MAP3K20: variants seen among roughly 807,000 people sequenced by gnomAD.
MAP3K20 encodes mitogen-activated protein kinase kinase kinase 20.
Under a neutral mutation model 85.7 loss-of-function variants are expected in MAP3K20, and 40 were observed. That is an observed-to-expected ratio of 0.47 (90% CI 0.36 to 0.61). The LOEUF is 0.61. Among genes scored for constraint, MAP3K20 ranks in the 20% least tolerant of loss-of-function variants. The pLI is 0.00. For synonymous variants in MAP3K20, 325 were observed against 327.7 expected, an observed-to-expected ratio of 0.99 and a Z score of 0.09; for missense variants, 817 against 961.7, an observed-to-expected ratio of 0.85 and a Z score of 1.99.
intron 11 of MAP3K20, chr2:173,226,618 C>T (rs1684395400): frequency 1.0e-6 from 1 of 985,788 alleles, no homozygotes; most frequent in Non-Finnish European, 1.2e-6. Flanking sequence ...CAGACTCCAC[C>T]TTTGTTTGCA....
intron 2 of MAP3K20, among the ~76,000 whole-genome samples, chr2:173,161,869 T>A (rs1253534364): frequency 6.6e-6 from 1 of 152,184 alleles, no homozygotes; most frequent in African/African-American, 2.4e-5. Context: ...GTTAACTAAA[T>A]GAGTTTTTAT....
intron 14 of MAP3K20, among the ~76,000 whole-genome samples, chr2:173,233,764 C>T (rs1684582343): frequency 6.6e-6 from 1 of 152,150 alleles, no homozygotes; most frequent in Admixed American, 6.5e-5. Context: ...CCATTAAGGC[C>T]CAAAGAGAGC....
At chr2:173,153,909 A>AT (rs1359996042) in intron 2 of MAP3K20, among the ~76,000 whole-genome samples, 1 of 151,938 alleles carries the variant, frequency 6.6e-6, no homozygotes, top group Non-Finnish European at 1.5e-5. Flanking sequence ...TTATTTTTAA[A>AT]TTTTTTCCAA....
chr2:173,091,046 T>C lies in MAP3K20; in HGVS notation c.15T>C (p.Gly5=). 3 of 1,613,324 alleles carry C rather than the reference T, an allele frequency of 1.9e-6. No individual in the cohort carries two copies. Among genetic ancestry groups the C allele is most frequent in the Non-Finnish European group, 2.5e-6 (3 of 1,179,688 alleles). ...GTCATTATGAGATGTCGTCTCTCGG[T>C]GCCTCCTTTGTGCAAATTAAATTTG... is the stretch of plus-strand genomic sequence containing the variant. MSSL[G]ASFVQIKFDD... Residue 5 remains glycine, a synonymous_variant, in exon 2 of 20, where the codon GGT becomes GGC. Transcript: ENST00000375213.
intron 2 of MAP3K20, among the ~76,000 whole-genome samples, chr2:173,129,661 C>T (rs4632313): frequency 0.058 from 8,787 of 152,260 alleles, 882 homozygotes; most frequent in East Asian, 0.53. Context: ...GTGTTTGTAA[C>T]TGTTGCATTT....
Position 173,075,916 on chromosome 2 carries a change from G to C in MAP3K20, c.-121G>C. The C allele has an allele frequency of 1.0e-6, 1 of 984,344 alleles. No individual in the cohort carries two copies. Among genetic ancestry groups the C allele is most frequent in the South Asian group, 4.7e-5 (1 of 21,274 alleles). The allele number at this position is 984,344 out of a possible 1,614,324, so 61.0% of individuals were successfully genotyped here. A position where few individuals can be genotyped will look rare whatever the true frequency, so the allele number is the denominator to read the frequency against. ...CAGCGGAAACGTGGGAGCCGCGCGGGCCGCTGTCGTCCCAACCCCCGCCGC... is the reference window on the plus strand; with the variant it reads ...CAGCGGAAACGTGGGAGCCGCGCGGCCCGCTGTCGTCCCAACCCCCGCCGC... On this transcript the variant is annotated 5_prime_UTR_variant, in exon 1 of 20. Coordinates refer to ENST00000375213, the MANE Select transcript of MAP3K20 (RefSeq NM_016653.3).
intron 2 of MAP3K20, among the ~76,000 whole-genome samples, chr2:173,127,736 CA>C (rs5836401): frequency 0.55 from 78,868 of 142,964 alleles, 22,781 homozygotes; most frequent in African/African-American, 0.79. Context: ...TATGTTAGGA[CA>C]AAAAAAAAAA....
chr2:173,145,909 C>G (rs1395723175), intron 2 of MAP3K20, among the ~76,000 whole-genome samples: 1 of 151,754 alleles, frequency 6.6e-6, no homozygotes, highest in Admixed American at 6.6e-5. Flanking sequence ...TACTAATTAG[C>G]AATAAAAAGA....
rs1271220946 is a variant in MAP3K20, at chr2:173,242,693, ATCTT to A, written c.1359+3203_1359+3206del. The stretch of plus-strand genomic sequence containing the variant: ...GTTCCTTGGTCACCCATCCAGAGTA[ATCTT>A]TCTTTTTTTTTTTTTTTTTTTTTTT... On this transcript the variant is annotated intron_variant, in intron 16 of 19. Transcript: ENST00000375213. 1.2e-3 allele frequency among the ~76,000 whole-genome samples: 151 copies of A among 128,556 alleles called. 4 individuals carry two copies. Among genetic ancestry groups the A allele is most frequent in the Middle Eastern group, 8.3e-3 (2 of 242 alleles). 84.3% of individuals were successfully genotyped at this position (128,556 alleles called of 152,430 possible). A position where few individuals can be genotyped will look rare whatever the true frequency, so the allele number is the denominator to read the frequency against.
intron 2 of MAP3K20, among the ~76,000 whole-genome samples, chr2:173,116,066 TCTCA>T (rs1688115187): frequency 6.6e-6 from 1 of 151,348 alleles, no homozygotes; most frequent in African/African-American, 2.4e-5. Context: ...CCCAGGCCAG[TCTCA>T]CTAACTCCTG....
At chr2:173,242,766 GTGCAATCTCGGCTCAC>G (rs1684821121) in intron 16 of MAP3K20, among the ~76,000 whole-genome samples, 1 of 143,980 alleles carries the variant, frequency 6.9e-6, no homozygotes, top group African/African-American at 2.6e-5. Context: ...GAGTGCAGTG[GTGCAATCTCGGCTCAC>G]TGCAACCTCC....
At chr2:173,097,054 A>T (rs557268985) in intron 2 of MAP3K20, among the ~76,000 whole-genome samples, 1 of 152,328 alleles carries the variant, frequency 6.6e-6, no homozygotes, top group East Asian at 1.9e-4. Context: ...CCAACATGAC[A>T]AAGAGTTCAT....
intron 5 of MAP3K20, 45 bp downstream of exon 5, chr2:173,187,668 C>T: frequency 6.7e-7 from 1 of 1,483,714 alleles, no homozygotes; most frequent in Non-Finnish European, 9.2e-7. Context: ...TTACAAATTA[C>T]ATACACTTGC....
chr2:173,094,175 A>AAG (rs1450484383), intron 2 of MAP3K20, among the ~76,000 whole-genome samples: 2 of 152,104 alleles, frequency 1.3e-5, no homozygotes, highest in Non-Finnish European at 1.5e-5. Context: ...GAACAATTAA[A>AAG]AGAATACTAC....
chr2:173,169,952 T>C (rs1230936553), intron 3 of MAP3K20, 60 bp downstream of exon 3: 7 of 1,453,512 alleles, frequency 4.8e-6, no homozygotes, highest in Non-Finnish European at 5.8e-6. Context: ...GATTCCTTAA[T>C]ATGCTAAAAT....
In MAP3K20 at chr2:173,089,622, G is replaced by T. The variant is rs139462605; in HGVS notation, c.-34-1376G>T. 1.3e-3 allele frequency among the ~76,000 whole-genome samples: 190 copies of T among 150,378 alleles called. 4 individuals carry two copies. In the East Asian group the frequency reaches 0.032, roughly 25 times the overall value. On this transcript the variant is annotated intron_variant, in intron 1 of 19. Coordinates refer to ENST00000375213, the MANE Select transcript of MAP3K20 (RefSeq NM_016653.3). ...TTTTGAGATGGAGTCTCGCTCTGTT[G>T]CCCAGGCTGGAGTGCAGTGGCACTA...
chr2:173,108,192 C>T (rs1289847724), intron 2 of MAP3K20, among the ~76,000 whole-genome samples: 1 of 151,242 alleles, frequency 6.6e-6, no homozygotes, highest in Non-Finnish European at 1.5e-5. Flanking sequence ...GGCTGCAGTG[C>T]AATGGCGTGA....
chr2:173,238,010 G>T (rs1684693933), intron 14 of MAP3K20, among the ~76,000 whole-genome samples: 1 of 152,060 alleles, frequency 6.6e-6, no homozygotes, highest in Admixed American at 6.6e-5. Context: ...AAATTAGCTG[G>T]GTGTGGTGGT....
At chr2:173,222,500 AAGAG>A in intron 11 of MAP3K20, 1 of 985,744 alleles carries the variant, frequency 1.0e-6, no homozygotes, top group Middle Eastern at 5.2e-4. Context: ...GCTTTATACA[AAGAG>A]AAAGAGGTGG....
Sources: gnomAD v4.1 joint callset for allele counts (sites outside exome capture counted in the v4.1 genomes callset) on GRCh38, gnomAD v4.1.1 for gene constraint, MANE v1.5 for transcripts, NCBI Gene and HGNC (gene_info 2026-07-23, HGNC 2026-07-21) for gene names.